Variants in CFAP58 observed in about 807,000 individuals in gnomAD.
CFAP58 encodes cilia- and flagella-associated protein 58.
A neutral mutation model predicts 119.5 loss-of-function variants in CFAP58; 88 were observed. The observed-to-expected ratio is 0.74, with a 90% CI of 0.62 to 0.88. The LOEUF (loss-of-function observed/expected upper bound fraction) is 0.88, where lower values mean the gene tolerates loss of function less well. Ranked by LOEUF, CFAP58 falls within the 40% of genes least tolerant of loss-of-function variation. The pLI, the probability that CFAP58 is intolerant of heterozygous loss-of-function variation, is 0.00. For synonymous variants in CFAP58, 365 were observed against 366.3 expected, an observed-to-expected ratio of 1.00 and a Z score of 0.04; for missense variants, 990 against 1,021.2, an observed-to-expected ratio of 0.97 and a Z score of 0.42.
intron 15 of CFAP58, among the ~76,000 whole-genome samples, chr10:104,407,729 C>T (rs2012387733): frequency 6.6e-6 from 1 of 152,162 alleles, no homozygotes; most frequent in Non-Finnish European, 1.5e-5. Context: ...GACAGTCTTG[C>T]TCTGTTGCCC....
intron 1 of CFAP58, 29 bp from the exon 2 acceptor site, chr10:104,358,312 C>T (rs766542749): frequency 1.3e-6 from 2 of 1,593,530 alleles, no homozygotes; most frequent in Non-Finnish European, 1.7e-6. Context: ...GTTGCATTGC[C>T]CTTTCCCATC....
At chr10:104,374,095 C>T (rs1204126465) in intron 7 of CFAP58, among the ~76,000 whole-genome samples, 4 of 152,120 alleles carry the variant, frequency 2.6e-5, no homozygotes, top group African/African-American at 7.2e-5. Context: ...TCTGTATTCT[C>T]TATAAATGAA....
intron 7 of CFAP58, among the ~76,000 whole-genome samples, chr10:104,375,182 A>G (rs1022912776): frequency 6.6e-6 from 1 of 150,948 alleles, no homozygotes; most frequent in African/African-American, 2.4e-5. Flanking sequence ...AGTGTGTACT[A>G]TATACTTAGT....
intron 2 of CFAP58, among the ~76,000 whole-genome samples, chr10:104,360,659 G>A (rs1051300756): frequency 2.0e-5 from 3 of 152,056 alleles, no homozygotes; most frequent in Admixed American, 6.6e-5. Flanking sequence ...AAAGGCCCCA[G>A]TGTGTGTTAT....
intron 15 of CFAP58, among the ~76,000 whole-genome samples, chr10:104,419,362 C>CACAGAGGTTA (rs2133065749): frequency 6.6e-6 from 1 of 152,226 alleles, no homozygotes; most frequent in Non-Finnish European, 1.5e-5. Flanking sequence ...CAACACTTAA[C>CACAGAGGTTA]CTCTGATGGG....
At chr10:104,346,505 G>A in the CFAP58 span, among the ~76,000 whole-genome samples, 7 of 151,616 alleles carry the variant, frequency 4.6e-5, no homozygotes, top group African/African-American at 9.7e-5. Flanking sequence ...GCAACACCAC[G>A]CCCAGCTCAT....
intron 15 of CFAP58, among the ~76,000 whole-genome samples, chr10:104,428,885 G>A (rs1013776386): frequency 5.9e-5 from 9 of 152,206 alleles, no homozygotes; most frequent in African/African-American, 1.2e-4. Flanking sequence ...GCCATCTGCC[G>A]AGCAAGTATG....
chr10:104,358,018 T>C (rs560197655), intron 1 of CFAP58, among the ~76,000 whole-genome samples: 9 of 128,530 alleles, frequency 7.0e-5, no homozygotes, highest in East Asian at 4.1e-4. Context: ...CACATATATG[T>C]ACATATATAT....
intron 14 of CFAP58, among the ~76,000 whole-genome samples, chr10:104,405,731 T>A (rs997242814): frequency 6.6e-6 from 1 of 152,240 alleles, no homozygotes; most frequent in African/African-American, 2.4e-5. Flanking sequence ...GTCCCCATCA[T>A]AGACTGCAGT....
intron 15 of CFAP58, among the ~76,000 whole-genome samples, chr10:104,429,694 C>A (rs1365033811): frequency 6.6e-6 from 1 of 152,142 alleles, no homozygotes; most frequent in East Asian, 1.9e-4. Flanking sequence ...AAGTAAAAAA[C>A]AACTCAAGGT....
Position 104,403,223 on chromosome 10 carries a change from A to C in CFAP58, c.2040-506A>C, listed in dbSNP as rs1192118196. ...TAGTGAATAAGTCTCACGAGATCTG[A>C]TGGTTTTTATAACTGGGAGTTCCCC... On this transcript the variant is annotated intron_variant, in intron 13 of 17. Coordinates refer to ENST00000369704, the MANE Select transcript of CFAP58 (RefSeq NM_001008723.2). Among the ~76,000 whole-genome samples, 4 of 152,052 alleles carry C rather than the reference A, an allele frequency of 2.6e-5. No homozygotes were observed. In the South Asian group the frequency reaches 6.2e-4, roughly 24 times the overall value.
At position 104,368,485 on chromosome 10, in the gene CFAP58, G is replaced by A; in HGVS notation, c.855G>A (p.Gln285=). The A allele has an allele frequency of 1.2e-6, 2 of 1,614,020 alleles. No individual in the cohort carries two copies. Among genetic ancestry groups the A allele is most frequent in the Non-Finnish European group, 1.7e-6 (2 of 1,179,924 alleles). Residue 285 remains glutamine, a synonymous_variant, in exon 6 of 18, where the codon CAG becomes CAA. Transcript: ENST00000369704. ...TTCAGATGAGAAATGCTAAACTTCA[G>A]CAAGAGAATGAACAGCACAGTTTGG... ...EQFQMRNAKL[Q]QENEQHSLVC... is the part of the protein sequence containing the mutation.
intron 5 of CFAP58, among the ~76,000 whole-genome samples, chr10:104,367,152 C>G (rs746380363): frequency 2.0e-5 from 3 of 149,142 alleles, no homozygotes; most frequent in Non-Finnish European, 4.4e-5. Context: ...AGCCACCGCA[C>G]CCAGCCGACA....
intron 1 of CFAP58, among the ~76,000 whole-genome samples, chr10:104,357,984 TACACATATATGTAC>T (rs1210006592): frequency 8.4e-5 from 12 of 142,310 alleles, no homozygotes; most frequent in African/African-American, 2.2e-4. Flanking sequence ...TGTACATATG[TACACATATATGTAC>T]ACATATATAC....
chr10:104,447,479 C>T (rs532960799), intron 15 of CFAP58, among the ~76,000 whole-genome samples: 1 of 152,264 alleles, frequency 6.6e-6, no homozygotes, highest in East Asian at 1.9e-4. Context: ...TTCTCTTACT[C>T]ATTGTCTTAT....
intron 5 of CFAP58, 62 bp downstream of exon 5, chr10:104,366,070 C>T (rs2135255573): frequency 7.4e-7 from 1 of 1,351,516 alleles, no homozygotes; most frequent in East Asian, 2.6e-5. Flanking sequence ...CCTTTATTCA[C>T]CCTTTTGTGC....
intron 15 of CFAP58, among the ~76,000 whole-genome samples, chr10:104,420,744 A>G (rs1385506465): frequency 6.8e-6 from 1 of 146,586 alleles, no homozygotes; most frequent in Non-Finnish European, 1.5e-5. Flanking sequence ...ACATTTTTTT[A>G]TATTTGATTT....
At chr10:104,386,520 C>T (rs759794067) in intron 9 of CFAP58, among the ~76,000 whole-genome samples, 3 of 152,150 alleles carry the variant, frequency 2.0e-5, no homozygotes, top group Non-Finnish European at 4.4e-5. Context: ...TTCCACCTTT[C>T]CCAAGAAGCT....
chr10:104,355,777 A>C (rs1292359336), intron 1 of CFAP58, among the ~76,000 whole-genome samples: 1 of 152,260 alleles, frequency 6.6e-6, no homozygotes, highest in Admixed American at 6.5e-5. Context: ...GGCCAAAGCT[A>C]AGAGATTATT....
Sources: allele counts gnomAD v4.1 joint callset (sites outside exome capture counted in the v4.1 genomes callset), GRCh38; gene constraint gnomAD v4.1.1; transcripts MANE v1.5; gene names NCBI Gene and HGNC (gene_info 2026-07-23, HGNC 2026-07-21).